Variants in METTL5 observed in about 807,000 individuals in gnomAD.
The protein encoded by METTL5 is rRNA N(6)-adenosine-methyltransferase METTL5.
A neutral mutation model predicts 26.5 loss-of-function variants in METTL5; 28 were observed. The observed-to-expected ratio is 1.06, with a 90% CI of 0.78 to 1.45. METTL5 has a LOEUF of 1.45. Ranked by LOEUF, METTL5 falls within the 40% of genes most tolerant of loss-of-function variation. The pLI, the probability that METTL5 is intolerant of heterozygous loss-of-function variation, is 0.00. For synonymous variants in METTL5, 86 were observed against 82.6 expected (o/e 1.04, Z -0.22); for missense variants, 231 against 249.9 (o/e 0.92, Z 0.51).
Position 169,814,305 on chromosome 2 carries a change from G to A in METTL5, c.541+1172C>T, listed in dbSNP as rs192847250. Among the ~76,000 whole-genome samples, 454 of 151,656 alleles carry A rather than the reference G, an allele frequency of 3.0e-3. 2 individuals are homozygous for A. The highest frequency in any genetic ancestry group is 0.01 in the African/African-American group (434 of 41,364). ...AGTTCAAGACCAGCCCTGCCAACGT[G>A]GTGAAACCCTGTCTCTACTAAAGAT... On this transcript the variant is annotated intron_variant, in intron 5 of 6. Coordinates refer to ENST00000260953, the MANE Select transcript of METTL5 (RefSeq NM_014168.4).
rs144669635 is a variant in METTL5 at position 169,819,788 on chromosome 2, A to G, written c.407-145T>C. 4.8e-3 allele frequency: 2,711 copies of G among 562,662 alleles called. 74 individuals are homozygous for G. Among genetic ancestry groups the G allele is most frequent in the African/African-American group, 0.044 (2,329 of 53,324 alleles). 34.9% of individuals were successfully genotyped at this position (562,662 alleles called of 1,614,324 possible). On this transcript the variant is annotated intron_variant, in intron 3 of 6. Coordinates refer to ENST00000260953, the MANE Select transcript of METTL5 (RefSeq NM_014168.4). ...ATAAGGGTACAAATAAACTATCAAAATATTATTTTAAGGCTGGTAGAATAA... is the reference window on the plus strand; with the variant it reads ...ATAAGGGTACAAATAAACTATCAAAGTATTATTTTAAGGCTGGTAGAATAA...
rs2081591895 is a variant in METTL5 at position 169,822,019 on chromosome 2, T to C, written c.148A>G (p.Ile50Val). 1 of 1,612,642 alleles carries C rather than the reference T, an allele frequency of 6.2e-7. No individual in the cohort carries two copies. Among genetic ancestry groups the C allele is most frequent in the Non-Finnish European group, 8.5e-7 (1 of 1,179,936 alleles). Reference protein sequence around the residue: ...LYTIHNTYDDIENKVVADLGC... With the variant: ...LYTIHNTYDDVENKVVADLGC... ...AGATCTGCAACGACTTTATTTTCAA[T>C]GTCATCATAAGTGTTATGGATTGTA... Residue 50 changes from isoleucine (I) to valine (V), a missense_variant, in exon 2 of 7, where the codon ATT becomes GTT. By Grantham distance (29) the Ile-to-Val change is conservative. Transcript: ENST00000260953.
intron 4 of METTL5, among the ~76,000 whole-genome samples, chr2:169,816,020 C>T (rs1450866013): frequency 6.6e-6 from 1 of 152,102 alleles, no homozygotes; most frequent in Non-Finnish European, 1.5e-5. Context: ...AACCACAGAG[C>T]CTCGGTGGTC....
intron 5 of METTL5, among the ~76,000 whole-genome samples, chr2:169,813,638 T>A (rs1057499807): frequency 2.0e-5 from 3 of 151,276 alleles, no homozygotes; most frequent in Non-Finnish European, 4.4e-5. Flanking sequence ...GCGGATGACC[T>A]GAGGTGAAGA....
chr2:169,814,778 T>C (rs1690091296), intron 5 of METTL5, among the ~76,000 whole-genome samples: 1 of 151,928 alleles, frequency 6.6e-6, no homozygotes, highest in Non-Finnish European at 1.5e-5. Context: ...GGTTTCACCA[T>C]GTTAGCCAGG....
chr2:169,821,903 A>G, intron 2 of METTL5, 40 bp downstream of exon 2: 1 of 1,582,860 alleles, frequency 6.3e-7, no homozygotes, highest in Non-Finnish European at 8.7e-7. Flanking sequence ...TCCTTATTAA[A>G]GCCACCCAAT....
intron 1 of METTL5, among the ~76,000 whole-genome samples, chr2:169,823,212 C>G (rs946588740): frequency 1.3e-5 from 2 of 151,884 alleles, no homozygotes; most frequent in African/African-American, 4.8e-5. Flanking sequence ...CTCCTGGGCT[C>G]GTCATCCTCT....
rs200843652 is a variant in METTL5, at chr2:169,821,326, AAC to A, written c.225-55_225-54del. The A allele has an allele frequency of 2.7e-5, 36 of 1,336,044 alleles. No homozygotes were observed. The East Asian group carries it at 4.0e-4, about 15-fold the overall frequency. 82.8% of individuals were successfully genotyped at this position (1,336,044 alleles called of 1,614,324 possible). A position where few individuals can be genotyped will look rare whatever the true frequency, so the allele number is the denominator to read the frequency against. ...TGGCGACTTATAGCTCCCAAGTAAA[AAC>A]AAAACCAAAATTAGCTGTTTTTTTT... is the stretch of plus-strand genomic sequence containing the variant. On this transcript the variant is annotated intron_variant, in intron 2 of 6. Transcript: ENST00000260953.
At chr2:169,818,850 G>A (rs1037454813) in intron 4 of METTL5, among the ~76,000 whole-genome samples, 5 of 152,160 alleles carry the variant, frequency 3.3e-5, no homozygotes, top group Non-Finnish European at 7.3e-5. Context: ...TTCTTATGAA[G>A]TACAATTGGT....
At chr2:169,815,385 G>A in intron 5 of METTL5, 92 bp downstream of exon 5, 5 of 848,980 alleles carry the variant, frequency 5.9e-6, no homozygotes, top group South Asian at 1.6e-5. Context: ...ACACTGTAAA[G>A]CATAGTTTAT....
rs10208105 is a variant in METTL5 at position 169,814,972 on chromosome 2, A to G, written c.541+505T>C. The stretch of plus-strand genomic sequence containing the variant: ...AGTGGTGCGATCTCGGCTCACTGCA[A>G]CCTCTGCCTCTGGGACTCAAGCGAT... On this transcript the variant is annotated intron_variant, in intron 5 of 6. Coordinates refer to ENST00000260953, the MANE Select transcript of METTL5 (RefSeq NM_014168.4). Among the ~76,000 whole-genome samples the G allele has an allele frequency of 2.6e-5, 4 of 150,992 alleles. No homozygotes were observed. In the East Asian group the frequency reaches 7.8e-4, roughly 29 times the overall value.
At chr2:169,821,408 C>T (rs2081583283) in intron 2 of METTL5, 135 bp from the exon 3 acceptor site, 2 of 522,810 alleles carry the variant, frequency 3.8e-6, no homozygotes, top group African/African-American at 2.0e-5. Flanking sequence ...GTGTTTTCTT[C>T]TTTTTTTTTT....
Position 169,824,564 on chromosome 2 carries a change from G to C in METTL5, c.34C>G (p.Arg12Gly), listed in dbSNP as rs1471698911. ...KKVRLKELES[R>G]LQQVDGFEKP... ...TCAAATCCATCCACTTGTTGCAGGC[G>C]ACTCTCTAGTTCCTTAAGCCTTACT... is the stretch of plus-strand genomic sequence containing the variant. Residue 12 changes from arginine (R) to glycine (G), a missense_variant, in exon 1 of 7, where the codon CGC (arginine) becomes GGC (glycine). Coordinates refer to ENST00000260953, the MANE Select transcript of METTL5 (RefSeq NM_014168.4). The C allele has an allele frequency of 1.2e-6, 2 of 1,614,154 alleles. No individual in the cohort carries two copies. Among genetic ancestry groups the C allele is most frequent in the Non-Finnish European group, 1.7e-6 (2 of 1,179,982 alleles).
Position 169,817,596 on chromosome 2 carries a change from C to T in METTL5, c.489+1965G>A, listed in dbSNP as rs540959337. 2.3e-3 allele frequency among the ~76,000 whole-genome samples: 356 copies of T among 152,232 alleles called. 3 individuals carry two copies. The highest frequency in any genetic ancestry group is 7.8e-3 in the African/African-American group (326 of 41,544). On this transcript the variant is annotated intron_variant, in intron 4 of 6. Coordinates refer to ENST00000260953, the MANE Select transcript of METTL5 (RefSeq NM_014168.4). Reference sequence around the variant, plus strand: ...CACATATACACCATGGAATACTATGCAGCCATAAAAAAGGATGAGTTCATG... The same window carrying T: ...CACATATACACCATGGAATACTATGTAGCCATAAAAAAGGATGAGTTCATG...
intron 4 of METTL5, among the ~76,000 whole-genome samples, chr2:169,819,180 G>C (rs1462777533): frequency 6.6e-6 from 1 of 152,160 alleles, no homozygotes; most frequent in Non-Finnish European, 1.5e-5. Flanking sequence ...AGGCTCAAGT[G>C]TTCTGAAAAC....
At chr2:169,814,044 G>C (rs1436833498) in intron 5 of METTL5, among the ~76,000 whole-genome samples, 1 of 152,172 alleles carries the variant, frequency 6.6e-6, no homozygotes, top group Non-Finnish European at 1.5e-5. Context: ...TTCAGGCTTA[G>C]ATTATAATTA....
Position 169,824,473 on chromosome 2 carries a change from G to T in METTL5, c.109+16C>A. On this transcript the variant is annotated intron_variant, in intron 1 of 6. Coordinates refer to ENST00000260953, the MANE Select transcript of METTL5 (RefSeq NM_014168.4). Reference sequence around the variant, plus strand: ...CTAACGCCGAAAGCCGGGGCGTGGTGAACCAGCCGCCCTACCTGCAATGTG... The same window carrying T: ...CTAACGCCGAAAGCCGGGGCGTGGTTAACCAGCCGCCCTACCTGCAATGTG... 1 of 1,599,356 alleles carries T rather than the reference G, an allele frequency of 6.3e-7. No individual in the cohort carries two copies. Among genetic ancestry groups the T allele is most frequent in the Non-Finnish European group, 8.6e-7 (1 of 1,166,612 alleles).
Position 169,824,788 on chromosome 2 carries a change from G to A in METTL5, c.-191C>T. The A allele has an allele frequency of 1.9e-6, 1 of 516,660 alleles. No individual in the cohort carries two copies. Among genetic ancestry groups the A allele is most frequent in the South Asian group, 2.3e-5 (1 of 43,434 alleles). 32.0% of individuals were successfully genotyped at this position (516,660 alleles called of 1,614,324 possible). ...GGGCGAGCCTCTGACCCACCTCCCG[G>A]CTAACCCAAGCCGCCCCAGGAGACG... On this transcript the variant is annotated 5_prime_UTR_variant, in exon 1 of 7. Coordinates refer to ENST00000260953, the MANE Select transcript of METTL5 (RefSeq NM_014168.4).
In METTL5 at chr2:169,815,463, G is replaced by A. The variant is rs1348262439; in HGVS notation, c.541+14C>T. 4.4e-6 allele frequency: 7 copies of A among 1,580,082 alleles called. No homozygotes were observed. Among genetic ancestry groups the A allele is most frequent in the Non-Finnish European group, 6.1e-6 (7 of 1,156,282 alleles). On this transcript the variant is annotated intron_variant, in intron 5 of 6. Coordinates refer to ENST00000260953, the MANE Select transcript of METTL5 (RefSeq NM_014168.4). Reference sequence around the variant, plus strand: ...GTTGGCCCTTTTGGATATTAGGATTGAGATTTGTCTTACCTGCTATAATAT... The same window carrying A: ...GTTGGCCCTTTTGGATATTAGGATTAAGATTTGTCTTACCTGCTATAATAT...
Sources: allele counts gnomAD v4.1 joint callset (sites outside exome capture counted in the v4.1 genomes callset), GRCh38; gene constraint gnomAD v4.1.1; transcripts MANE v1.5; gene names NCBI Gene and HGNC (gene_info 2026-07-23, HGNC 2026-07-21).